The following SPECC1L variants were observed in gnomAD, a reference collection of about 807,000 sequenced individuals.
SPECC1L encodes the protein cytospin-A.
SPECC1L carries 40 observed loss-of-function variants against 116.8 expected under a neutral mutation model. That is an observed-to-expected ratio of 0.34 (90% CI 0.27 to 0.45). The LOEUF is 0.45. Ranked by LOEUF, SPECC1L falls within the 20% of genes least tolerant of loss-of-function variation. The probability of loss-of-function intolerance (pLI) is 1.00; values close to 1 mark genes in which losing one functional copy is unlikely to be tolerated. For synonymous variants in SPECC1L, 504 were observed against 500.6 expected, an observed-to-expected ratio of 1.01 and a Z score of -0.09; for missense variants, 1,110 against 1,373.6, an observed-to-expected ratio of 0.81 and a Z score of 3.03.
intron 3 of SPECC1L, among the ~76,000 whole-genome samples, chr22:24,306,887 A>G (rs915641423): frequency 4.6e-5 from 7 of 152,200 alleles, no homozygotes; most frequent in East Asian, 1.9e-4. Context: ...GCTACCTTAT[A>G]TAAGTGGAAT....
At chr22:24,309,712 T>C (rs1440068952) in intron 3 of SPECC1L, among the ~76,000 whole-genome samples, 2 of 152,210 alleles carry the variant, frequency 1.3e-5, no homozygotes, top group Admixed American at 6.5e-5. Flanking sequence ...AGTTCAATAT[T>C]TGCATACTTT....
At chr22:24,324,165 C>T (rs767977884) in intron 5 of SPECC1L, 55 bp from the exon 6 acceptor site, 283 of 1,457,974 alleles carry the variant, frequency 1.9e-4, no homozygotes, top group Admixed American at 2.8e-4. Context: ...AATTCTGGAA[C>T]GTACCTTAGA....
At chr22:24,271,442 C>G (rs958981824) in intron 1 of SPECC1L, among the ~76,000 whole-genome samples, 3 of 152,252 alleles carry the variant, frequency 2.0e-5, no homozygotes, top group Non-Finnish European at 4.4e-5. Flanking sequence ...GGGCCACAGG[C>G]GGCGGACCCC....
chr22:24,403,043 G>A (rs1477919449), intron 14 of SPECC1L, among the ~76,000 whole-genome samples: 1 of 152,170 alleles, frequency 6.6e-6, no homozygotes, highest in Non-Finnish European at 1.5e-5. Context: ...CCTTGGAGGG[G>A]TGAGGCTGTC....
chr22:24,323,038 G>T (rs1438285959), intron 5 of SPECC1L, 120 bp downstream of exon 5: 33 of 1,433,472 alleles, frequency 2.3e-5, no homozygotes, highest in Admixed American at 2.7e-5. Context: ...TTTTAAAACT[G>T]ATATTTTTAA....
At chr22:24,353,385 G>C (rs1268863278) in intron 11 of SPECC1L, among the ~76,000 whole-genome samples, 3 of 152,058 alleles carry the variant, frequency 2.0e-5, no homozygotes, top group Non-Finnish European at 2.9e-5. Flanking sequence ...AGATGGGCTT[G>C]TCTGATATTT....
chr22:24,326,168 G>A (rs2040817701), intron 6 of SPECC1L, among the ~76,000 whole-genome samples: 1 of 152,154 alleles, frequency 6.6e-6, no homozygotes, highest in Non-Finnish European at 1.5e-5. Context: ...GGCCAGGCTG[G>A]TCTCGAACTC....
chr22:24,365,436 ATG>A (rs746492317), intron 12 of SPECC1L, 38 bp from the exon 13 acceptor site: 1 of 1,604,532 alleles, frequency 6.2e-7, no homozygotes, highest in Non-Finnish European at 8.5e-7. Flanking sequence ...TCAGTCTAAA[ATG>A]TTTTTGCTAT....
chr22:24,324,299 GA>G lies in SPECC1L; in HGVS notation c.2019del (p.Arg673SerfsTer14). 1 of 1,614,066 alleles carries G rather than the reference GA, an allele frequency of 6.2e-7. No individual in the cohort carries two copies. Among genetic ancestry groups the G allele is most frequent in the Non-Finnish European group, 8.5e-7 (1 of 1,179,978 alleles). ...TTGAATATGACGTTAGAAAAATTAA[GA>G]TCAGACCTGGATGAAAAAGAAACAG... Reference protein sequence around the residue: ...EDLNMTLEKLRSDLDEKETER... With the variant: ...EDLNMTLEKLXSDLDEKETER... On this transcript the variant is annotated frameshift_variant, in exon 6 of 17. Transcript: ENST00000314328. LOFTEE classifies it high-confidence loss of function.
At chr22:24,412,042 G>A (rs889369596) in intron 15 of SPECC1L, 1 of 413,682 alleles carries the variant, frequency 2.4e-6, no homozygotes, top group South Asian at 2.1e-5. Context: ...GTGCTGACCA[G>A]GCCAGGCCAG....
At chr22:24,299,421 A>G (rs2049331214) in intron 2 of SPECC1L, among the ~76,000 whole-genome samples, 1 of 152,086 alleles carries the variant, frequency 6.6e-6, no homozygotes. Flanking sequence ...TGGGTGACAG[A>G]GTAAGACCCT....
intron 14 of SPECC1L, 37 bp downstream of exon 14, chr22:24,369,357 G>A (rs767033204): frequency 6.7e-7 from 1 of 1,490,210 alleles, no homozygotes; most frequent in South Asian, 1.1e-5. Flanking sequence ...GTGAGTAATT[G>A]GCAAACCAAC....
intron 14 of SPECC1L, among the ~76,000 whole-genome samples, chr22:24,410,272 G>T (rs1307548197): frequency 6.6e-6 from 1 of 152,210 alleles, no homozygotes; most frequent in African/African-American, 2.4e-5. Flanking sequence ...GGGCTCAAGG[G>T]ATCCTCCCGC....
chr22:24,303,844 GGTGTGTGT>G (rs3031935), intron 3 of SPECC1L, among the ~76,000 whole-genome samples: 1,973 of 144,020 alleles, frequency 0.014, 33 homozygotes, highest in African/African-American at 0.035. Flanking sequence ...GTTTAAATAG[GGTGTGTGT>G]GTGTGTGTGT....
At chr22:24,375,544 C>G (rs1391564982) in intron 14 of SPECC1L, among the ~76,000 whole-genome samples, 2 of 152,056 alleles carry the variant, frequency 1.3e-5, no homozygotes, top group African/African-American at 4.8e-5. Context: ...GGGAAAAAAC[C>G]GCATGATCAT....
In SPECC1L at chr22:24,390,884, T is replaced by C. The variant is rs12169985; in HGVS notation, c.3088-20704T>C. 1.5e-3 allele frequency among the ~76,000 whole-genome samples: 184 copies of C among 124,390 alleles called. 1 individual carries two copies. The highest frequency in any genetic ancestry group is 5.4e-3 in the African/African-American group (178 of 32,882). 81.6% of individuals were successfully genotyped at this position (124,390 alleles called of 152,430 possible). On this transcript the variant is annotated intron_variant, in intron 14 of 16. Coordinates refer to ENST00000314328, the MANE Select transcript of SPECC1L (RefSeq NM_015330.6). Reference sequence around the variant, plus strand: ...TTTTTTTTCTTTTCTTTTTTTTTTTTTTTTTTTTTTTTTTGAGTCAGAGTC... The same window carrying C: ...TTTTTTTTCTTTTCTTTTTTTTTTTCTTTTTTTTTTTTTTGAGTCAGAGTC...
chr22:24,372,553 G>A (rs2041892170), intron 14 of SPECC1L, among the ~76,000 whole-genome samples: 1 of 152,090 alleles, frequency 6.6e-6, no homozygotes, highest in African/African-American at 2.4e-5. Flanking sequence ...ATGCAGAAAA[G>A]GCCTTTGACA....
At chr22:24,274,092 G>A (rs2048784970) in intron 1 of SPECC1L, among the ~76,000 whole-genome samples, 1 of 152,198 alleles carries the variant, frequency 6.6e-6, no homozygotes, top group African/African-American at 2.4e-5. Context: ...CAACAAATAA[G>A]CCTAGGCAGG....
chr22:24,332,567 T>C (rs187182044), intron 8 of SPECC1L, among the ~76,000 whole-genome samples: 16 of 152,340 alleles, frequency 1.1e-4, no homozygotes, highest in Non-Finnish European at 1.9e-4. Flanking sequence ...CTTTTCCACC[T>C]GCCTTATCTA....
Sources: gnomAD v4.1 joint callset for allele counts (sites outside exome capture counted in the v4.1 genomes callset) on GRCh38, gnomAD v4.1.1 for gene constraint, MANE v1.5 for transcripts, NCBI Gene and HGNC (gene_info 2026-07-23, HGNC 2026-07-21) for gene names.